The following SLC35F4 variants were observed in gnomAD, a reference collection of about 807,000 sequenced individuals.
The protein encoded by SLC35F4 is chromosome 14 open reading frame 36.
In SLC35F4, 24 loss-of-function variants were observed where a neutral mutation model predicts 44.2. The ratio of observed to expected loss-of-function variants is 0.54; its 90% CI spans 0.39 to 0.76. The LOEUF is 0.76. SLC35F4 is among the 30% of genes least tolerant of loss of function. The pLI is 0.00. For missense variants in SLC35F4, 562 were observed against 586.1 expected, an observed-to-expected ratio of 0.96 and a Z score of 0.42; for synonymous variants, 238 against 223.6, an observed-to-expected ratio of 1.06 and a Z score of -0.57.
At chr14:57,802,580 TAAAGA>T (rs1566867173) in intron 1 of SLC35F4, among the ~76,000 whole-genome samples, 1 of 150,898 alleles carries the variant, frequency 6.6e-6, no homozygotes, top group Non-Finnish European at 1.5e-5. Flanking sequence ...GCTAGACTAA[TAAAGA>T]AAAGAGAGAA....
intron 2 of SLC35F4, among the ~76,000 whole-genome samples, chr14:57,591,447 C>T (rs1289555150): frequency 6.6e-6 from 1 of 152,150 alleles, no homozygotes; most frequent in Non-Finnish European, 1.5e-5. Context: ...GTGGCTTATG[C>T]AGAGAGTAGA....
intron 1 of SLC35F4, among the ~76,000 whole-genome samples, chr14:57,874,041 C>T (rs1304638100): frequency 3.3e-5 from 5 of 152,138 alleles, no homozygotes; most frequent in Admixed American, 2.0e-4. Context: ...TAATAAAGTG[C>T]TCTAAGTACA....
chr14:57,605,471 CT>C (rs1253659817), intron 1 of SLC35F4, among the ~76,000 whole-genome samples: 2 of 152,034 alleles, frequency 1.3e-5, no homozygotes. Context: ...GTTGGTGAGG[CT>C]GCAGAAAAAA....
intron 1 of SLC35F4, among the ~76,000 whole-genome samples, chr14:57,714,270 T>C (rs912398799): frequency 6.6e-6 from 1 of 152,182 alleles, no homozygotes; most frequent in Non-Finnish European, 1.5e-5. Context: ...ATCCACTCTT[T>C]AAGCCAGAAA....
chr14:57,831,487 G>A (rs554806271), intron 1 of SLC35F4, among the ~76,000 whole-genome samples: 34 of 152,298 alleles, frequency 2.2e-4, no homozygotes, highest in South Asian at 1.0e-3. Flanking sequence ...AGGGCCAAGC[G>A]TGAATCTGGA....
At chr14:57,769,971 T>C (rs149336719) in intron 1 of SLC35F4, among the ~76,000 whole-genome samples, 1 of 152,214 alleles carries the variant, frequency 6.6e-6, no homozygotes, top group African/African-American at 2.4e-5. Context: ...TAAAACACCA[T>C]CTGCCTTCTT....
intron 1 of SLC35F4, among the ~76,000 whole-genome samples, chr14:57,766,992 G>A (rs749947395): frequency 4.6e-5 from 7 of 152,122 alleles, no homozygotes; most frequent in Non-Finnish European, 7.4e-5. Context: ...ATGAGAAAAA[G>A]AGGCACATTA....
At chr14:57,927,467 GTTTTT>G (rs34018712) in intron 1 of SLC35F4, among the ~76,000 whole-genome samples, 112 of 140,950 alleles carry the variant, frequency 7.9e-4, no homozygotes, top group African/African-American at 2.8e-3. Context: ...GGTGGTTTGA[GTTTTT>G]TTTTTTTAAT....
rs987077731 is a variant in SLC35F4, at chr14:57,735,383, G to A, written c.103+130340C>T. On this transcript the variant is annotated intron_variant, in intron 1 of 7. Coordinates refer to ENST00000556826, the MANE Select transcript of SLC35F4 (RefSeq NM_001306087.2). ...ATATCTCATAATTCTGCAGGTTGGTGGAGCTGTTACTTTGCTGGTTTTATC... is the reference window on the plus strand; with the variant it reads ...ATATCTCATAATTCTGCAGGTTGGTAGAGCTGTTACTTTGCTGGTTTTATC... Among the ~76,000 whole-genome samples, 4 of 152,310 alleles carry A rather than the reference G, an allele frequency of 2.6e-5. 1 individual carries two copies. The highest frequency in any genetic ancestry group is 2.6e-4 in the Admixed American group (4 of 15,300).
chr14:57,939,798 CATCCAAGTT>C (rs1327921614), intron 1 of SLC35F4, among the ~76,000 whole-genome samples: 3 of 152,190 alleles, frequency 2.0e-5, no homozygotes, highest in South Asian at 2.1e-4. Flanking sequence ...TTTCTCTAAA[CATCCAAGTT>C]ATAGAGTAAG....
At chr14:57,922,850 C>T (rs146994599) in intron 1 of SLC35F4, among the ~76,000 whole-genome samples, 4 of 152,314 alleles carry the variant, frequency 2.6e-5, no homozygotes, top group Non-Finnish European at 5.9e-5. Flanking sequence ...TCTAACATAG[C>T]TGATTCTGAG....
intron 1 of SLC35F4, among the ~76,000 whole-genome samples, chr14:57,704,357 T>C (rs897503077): frequency 4.6e-5 from 7 of 152,182 alleles, no homozygotes; most frequent in Non-Finnish European, 1.0e-4. Context: ...TTCTATGGTT[T>C]CAGTTTCTCC....
chr14:57,827,679 AAG>A, intron 1 of SLC35F4, among the ~76,000 whole-genome samples: 1 of 152,266 alleles, frequency 6.6e-6, no homozygotes, highest in African/African-American at 2.4e-5. Context: ...AGAGAAAATT[AAG>A]AGTTATATAT....
chr14:57,927,315 C>A (rs1889597214), intron 1 of SLC35F4, among the ~76,000 whole-genome samples: 1 of 152,160 alleles, frequency 6.6e-6, no homozygotes, highest in South Asian at 2.1e-4. Flanking sequence ...CTCAAAAGAT[C>A]TAGGTCATAA....
At chr14:57,727,749 C>T (rs551571615) in intron 1 of SLC35F4, among the ~76,000 whole-genome samples, 3 of 152,278 alleles carry the variant, frequency 2.0e-5, no homozygotes, top group Admixed American at 2.0e-4. Flanking sequence ...AGAGAAGATG[C>T]TTGATACTAT....
intron 1 of SLC35F4, among the ~76,000 whole-genome samples, chr14:57,689,074 G>A (rs577809942): frequency 6.6e-6 from 1 of 152,170 alleles, no homozygotes; most frequent in Non-Finnish European, 1.5e-5. Context: ...GAAAACCATG[G>A]TTTTTCTCTA....
upstream of SLC35F4, among the ~76,000 whole-genome samples, chr14:57,868,828 C>T (rs970567561): frequency 6.6e-6 from 1 of 151,908 alleles, no homozygotes; most frequent in South Asian, 2.1e-4. Flanking sequence ...TTTCACAAAC[C>T]CAAATATTCA....
intron 1 of SLC35F4, among the ~76,000 whole-genome samples, chr14:57,816,699 C>A (rs900097774): frequency 6.6e-6 from 1 of 152,156 alleles, no homozygotes; most frequent in Non-Finnish European, 1.5e-5. Context: ...TAAGAAAGTA[C>A]TCACTTTTGG....
chr14:57,825,284 G>A (rs891422969), intron 1 of SLC35F4, among the ~76,000 whole-genome samples: 21 of 152,156 alleles, frequency 1.4e-4, no homozygotes, highest in African/African-American at 4.8e-4. Flanking sequence ...TTAAGCCTTA[G>A]AAATGTCTGG....
Sources: gnomAD v4.1 joint callset for allele counts (sites outside exome capture counted in the v4.1 genomes callset) on GRCh38, gnomAD v4.1.1 for gene constraint, MANE v1.5 for transcripts, NCBI Gene and HGNC (gene_info 2026-07-23, HGNC 2026-07-21) for gene names.